The following TRPM3 variants were observed in gnomAD, a reference collection of about 807,000 sequenced individuals.
TRPM3 encodes transient receptor potential cation channel subfamily M member 3, also known as long transient receptor potential channel 3.
TRPM3 carries 77 observed loss-of-function variants against 181.2 expected under a neutral mutation model. That is an observed-to-expected ratio of 0.42 (90% CI 0.35 to 0.51). The LOEUF is 0.51. Ranked by LOEUF, TRPM3 falls within the 20% of genes least tolerant of loss-of-function variation. TRPM3 has a pLI of 0.01. For synonymous variants in TRPM3, 745 were observed against 796.4 expected (o/e 0.94, Z 1.09); for missense variants, 1,759 against 2,196.7 (o/e 0.80, Z 3.98).
At chr9:71,016,552 A>G (rs2097786788) in intron 1 of TRPM3, among the ~76,000 whole-genome samples, 2 of 152,086 alleles carry the variant, frequency 1.3e-5, no homozygotes, top group African/African-American at 4.8e-5. Context: ...TTAACATAAC[A>G]TCTTCGAGAT....
chr9:71,316,122 G>T (rs542671941), intron 1 of TRPM3, among the ~76,000 whole-genome samples: 272 of 152,290 alleles, frequency 1.8e-3, no homozygotes, highest in African/African-American at 6.3e-3. Context: ...GCCTAATAGT[G>T]TCATTAGTTT....
At chr9:70,796,986 T>G (rs1302815621) in intron 6 of TRPM3, among the ~76,000 whole-genome samples, 1 of 152,060 alleles carries the variant, frequency 6.6e-6, no homozygotes, top group Admixed American at 6.6e-5. Flanking sequence ...AAAAGTTAGC[T>G]GGGCATGGTG....
chr9:70,536,208 C>T lies in TRPM3; in HGVS notation c.4905G>A (p.Leu1635=). The T allele has an allele frequency of 6.2e-6, 10 of 1,614,210 alleles. No individual in the cohort carries two copies. The Admixed American group carries it at 1.5e-4, about 24-fold the overall frequency. The change falls in exon 26 of 26, where the codon CTG becomes CTA. Residue 1635 remains leucine, a synonymous_variant. Transcript: ENST00000677713. Reference sequence around the variant, plus strand: ...TCTTGGGAACAGTGATGTTGTTGGACAGGGTTCTCTCTGAGTTATCACCCT... The same window carrying T: ...TCTTGGGAACAGTGATGTTGTTGGATAGGGTTCTCTCTGAGTTATCACCCT... ...SQEGDNSERT[L]SNNITVPKIE...
In TRPM3 at chr9:70,533,338, T is replaced by C. The variant is rs768515409; in HGVS notation, c.*2615A>G. 18 of 152,192 alleles carry C rather than the reference T, an allele frequency of 1.2e-4. No individual in the cohort carries two copies. Among genetic ancestry groups the C allele is most frequent in the African/African-American group, 2.2e-4 (9 of 41,442 alleles). 9.4% of individuals were successfully genotyped at this position (152,192 alleles called of 1,614,324 possible). A position where few individuals can be genotyped will look rare whatever the true frequency, so the allele number is the denominator to read the frequency against. ...TGATTGTGCTTGATACTTAAAATCA[T>C]CAACATGTTAGGATGTAAGTGCATT... On this transcript the variant is annotated 3_prime_UTR_variant, in exon 26 of 26. Transcript: ENST00000677713.
chr9:70,601,031 A>G (rs2132707939), intron 20 of TRPM3, among the ~76,000 whole-genome samples: 1 of 152,242 alleles, frequency 6.6e-6, no homozygotes, highest in Non-Finnish European at 1.5e-5. Context: ...GAACCCTGGG[A>G]GCCTGAGGAG....
intron 1 of TRPM3, among the ~76,000 whole-genome samples, chr9:71,232,887 C>A (rs2081148633): frequency 6.6e-6 from 1 of 152,150 alleles, no homozygotes; most frequent in African/African-American, 2.4e-5. Context: ...GCCTTCTGCA[C>A]TGGTGCTATA....
intron 1 of TRPM3, among the ~76,000 whole-genome samples, chr9:70,958,884 C>G (rs532602974): frequency 4.0e-5 from 6 of 151,630 alleles, no homozygotes; most frequent in Non-Finnish European, 8.8e-5. Context: ...GGAAATCATT[C>G]TCAGTAAACT....
At chr9:70,557,886 T>C (rs1390438959) in intron 22 of TRPM3, among the ~76,000 whole-genome samples, 1 of 152,240 alleles carries the variant, frequency 6.6e-6, no homozygotes, top group Non-Finnish European at 1.5e-5. Flanking sequence ...TAGTGGATAT[T>C]GACTGGTTCC....
chr9:71,160,493 C>A (rs1234571824), intron 1 of TRPM3, among the ~76,000 whole-genome samples: 3 of 152,128 alleles, frequency 2.0e-5, no homozygotes, highest in African/African-American at 7.2e-5. Flanking sequence ...CGTCATAACA[C>A]CTCTGCCCCA....
intron 12 of TRPM3, among the ~76,000 whole-genome samples, chr9:70,632,282 A>C (rs2065996942): frequency 1.3e-5 from 2 of 152,184 alleles, no homozygotes; most frequent in East Asian, 3.8e-4. Context: ...GCTGAAAGTC[A>C]CCTGAGAAAG....
intron 19 of TRPM3, among the ~76,000 whole-genome samples, chr9:70,606,217 T>TATC (rs1451948565): frequency 2.0e-5 from 3 of 152,210 alleles, no homozygotes; most frequent in Admixed American, 1.3e-4. Context: ...TGTCTGTCTG[T>TATC]ATCTCCCAAC....
chr9:71,443,963 G>T (rs779204259), intron 1 of TRPM3, among the ~76,000 whole-genome samples: 1 of 151,992 alleles, frequency 6.6e-6, no homozygotes, highest in Admixed American at 6.6e-5. Context: ...GGCAGATCAC[G>T]AGGTCAGGAG....
At chr9:70,908,363 C>T (rs1189622013) in intron 1 of TRPM3, among the ~76,000 whole-genome samples, 1 of 152,262 alleles carries the variant, frequency 6.6e-6, no homozygotes, top group African/African-American at 2.4e-5. Flanking sequence ...TCACCTCAGA[C>T]GGACTAGTTG....
chr9:70,762,573 C>G (rs2078333461), intron 7 of TRPM3, among the ~76,000 whole-genome samples: 1 of 152,192 alleles, frequency 6.6e-6, no homozygotes, highest in South Asian at 2.1e-4. Flanking sequence ...CAAAACTGCT[C>G]TCAAGGACCA....
intron 1 of TRPM3, among the ~76,000 whole-genome samples, chr9:71,267,046 C>T (rs1009458679): frequency 2.6e-5 from 4 of 151,854 alleles, no homozygotes; most frequent in African/African-American, 4.8e-5. Context: ...AGAAAGCTAA[C>T]GCTGTTAGTC....
chr9:70,864,411 C>T, intron 2 of TRPM3, 21 bp downstream of exon 2: 1 of 1,465,178 alleles, frequency 6.8e-7, no homozygotes, highest in Non-Finnish European at 9.0e-7. Context: ...ATGTTCTCAA[C>T]ATTATAGACA....
intron 7 of TRPM3, among the ~76,000 whole-genome samples, chr9:70,780,556 G>T (rs1421733345): frequency 6.6e-6 from 1 of 151,450 alleles, no homozygotes; most frequent in Non-Finnish European, 1.5e-5. Flanking sequence ...TTAACATAAA[G>T]CACACTACTG....
At chr9:71,240,474 T>C (rs10868992) in intron 1 of TRPM3, among the ~76,000 whole-genome samples, 65,213 of 151,908 alleles carry the variant, frequency 0.43, 14,390 homozygotes, top group East Asian at 0.52. Flanking sequence ...CCATGACTAT[T>C]AGCAACAGGA....
At chr9:71,126,147 A>C (rs920613229), upstream of TRPM3, among the ~76,000 whole-genome samples, 38 of 152,248 alleles carry the variant, frequency 2.5e-4, no homozygotes, top group African/African-American at 8.4e-4. Context: ...AATAGTGATA[A>C]ATAGAAAAAT....
Sources: allele counts gnomAD v4.1 joint callset (sites outside exome capture counted in the v4.1 genomes callset), GRCh38; gene constraint gnomAD v4.1.1; transcripts MANE v1.5; gene names NCBI Gene and HGNC (gene_info 2026-07-23, HGNC 2026-07-21).